Variants in EBF1 observed in about 807,000 individuals in gnomAD.
EBF1 encodes the protein EBF transcription factor 1.
EBF1 carries 10 observed loss-of-function variants against 68.4 expected under a neutral mutation model. That is an observed-to-expected ratio of 0.15 (90% CI 0.09 to 0.25). The LOEUF is 0.25. Among genes scored for constraint, EBF1 ranks in the 10% least tolerant of loss-of-function variants. The pLI is 1.00. For missense variants in EBF1, 509 were observed against 794.4 expected, an observed-to-expected ratio of 0.64 and a Z score of 4.32; for synonymous variants, 298 against 299.8, an observed-to-expected ratio of 0.99 and a Z score of 0.06.
chr5:158,703,693 A>G (rs1757248824), intron 15 of EBF1, among the ~76,000 whole-genome samples: 1 of 151,884 alleles, frequency 6.6e-6, no homozygotes, highest in African/African-American at 2.4e-5. Flanking sequence ...TCATGATAGA[A>G]TCTGTGAATC....
At chr5:158,926,316 T>G (rs1809681966) in intron 6 of EBF1, among the ~76,000 whole-genome samples, 2 of 152,158 alleles carry the variant, frequency 1.3e-5, no homozygotes, top group South Asian at 4.1e-4. Flanking sequence ...ATGTCAAAAT[T>G]TAATATTAAC....
intron 4 of EBF1, among the ~76,000 whole-genome samples, chr5:159,086,558 C>T (rs535551384): frequency 1.3e-5 from 2 of 152,242 alleles, no homozygotes; most frequent in Admixed American, 6.5e-5. Flanking sequence ...GGTTTGCCTG[C>T]GTTTCCTCAG....
chr5:158,984,949 C>G (rs1055381738), intron 6 of EBF1, among the ~76,000 whole-genome samples: 1 of 152,146 alleles, frequency 6.6e-6, no homozygotes, highest in African/African-American at 2.4e-5. Flanking sequence ...TCCCAAAGTG[C>G]TGGGACTACA....
At chr5:158,713,758 C>T (rs2127493354) in intron 12 of EBF1, among the ~76,000 whole-genome samples, 1 of 152,216 alleles carries the variant, frequency 6.6e-6, no homozygotes, top group Non-Finnish European at 1.5e-5. Context: ...TCAGGCCTTG[C>T]TATACTTTTT....
Position 158,849,022 on chromosome 5 carries a change from C to G in EBF1, c.555-8912G>C, listed in dbSNP as rs58473027. Among the ~76,000 whole-genome samples the G allele has an allele frequency of 1.4e-3, 211 of 152,312 alleles. 1 individual carries two copies. Among genetic ancestry groups the G allele is most frequent in the African/African-American group, 4.9e-3 (202 of 41,568 alleles). ...GAGAGTCCAATATGTAGTGATGCTT[C>G]TCATTCAATACCAATTTTACTAAGA... On this transcript the variant is annotated intron_variant, in intron 6 of 15. Coordinates refer to ENST00000313708, the MANE Select transcript of EBF1 (RefSeq NM_024007.5).
At chr5:159,084,537 T>C in intron 5 of EBF1, 129 bp downstream of exon 5, 1 of 696,490 alleles carries the variant, frequency 1.4e-6, no homozygotes, top group Non-Finnish European at 2.1e-6. Context: ...ACAGTTCTTT[T>C]TAGATTGTCT....
At chr5:159,018,605 C>T (rs1451298446) in intron 6 of EBF1, among the ~76,000 whole-genome samples, 4 of 152,164 alleles carry the variant, frequency 2.6e-5, no homozygotes, top group South Asian at 2.1e-4. Context: ...CAGTGAGAAT[C>T]GACTGTGATG....
intron 10 of EBF1, among the ~76,000 whole-genome samples, chr5:158,775,755 CACACACACACACACACACATGCACACAG>C (rs1415031435): frequency 1.4e-5 from 2 of 138,120 alleles, no homozygotes; most frequent in African/African-American, 2.8e-5. Context: ...AACACACACA[CACACACACACACACACACATGCACACAG>C]ACACACACAC....
chr5:158,839,352 T>A lies in EBF1; in HGVS notation c.636+677A>T, dbSNP rs568621208. 9.9e-5 allele frequency among the ~76,000 whole-genome samples: 15 copies of A among 152,282 alleles called. No homozygotes were observed. In the East Asian group the frequency reaches 2.3e-3, roughly 24 times the overall value. ...TAAAGCAGAGCAGTTTTACCAGTTGTACTCTTTACTGTTTTTTGTTTGTTT... is the reference window on the plus strand; with the variant it reads ...TAAAGCAGAGCAGTTTTACCAGTTGAACTCTTTACTGTTTTTTGTTTGTTT... On this transcript the variant is annotated intron_variant, in intron 7 of 15. Transcript: ENST00000313708.
At chr5:158,838,579 C>T (rs538565133) in intron 7 of EBF1, among the ~76,000 whole-genome samples, 12 of 152,078 alleles carry the variant, frequency 7.9e-5, no homozygotes, top group East Asian at 1.9e-4. Context: ...TTTTTTCTAC[C>T]GCATTTGTTC....
intron 6 of EBF1, among the ~76,000 whole-genome samples, chr5:158,931,987 A>G (rs188563520): frequency 1.3e-5 from 2 of 152,284 alleles, no homozygotes; most frequent in Admixed American, 1.3e-4. Flanking sequence ...ATGCTCTTTA[A>G]TAAAATGGCA....
chr5:159,012,494 CT>C (rs1488840754), intron 6 of EBF1, among the ~76,000 whole-genome samples: 20 of 143,982 alleles, frequency 1.4e-4, no homozygotes, highest in African/African-American at 4.8e-4. Context: ...TTTTTTTTTT[CT>C]TTTTTTAGAC....
chr5:158,962,299 C>A (rs923218893), intron 6 of EBF1, among the ~76,000 whole-genome samples: 1 of 152,148 alleles, frequency 6.6e-6, no homozygotes, highest in South Asian at 2.1e-4. Context: ...AAACTCAGAG[C>A]TTCCAATTCA....
At chr5:158,788,704 G>A (rs1034928066) in intron 9 of EBF1, among the ~76,000 whole-genome samples, 5 of 152,264 alleles carry the variant, frequency 3.3e-5, no homozygotes, top group African/African-American at 1.2e-4. Flanking sequence ...GCAGCCAGGT[G>A]TGAATTCTGT....
intron 6 of EBF1, among the ~76,000 whole-genome samples, chr5:158,895,060 T>TTTACC (rs1801901798): frequency 6.6e-6 from 1 of 152,182 alleles, no homozygotes; most frequent in Non-Finnish European, 1.5e-5. Flanking sequence ...TTTCAGTCTA[T>TTTACC]AAGAATCTTG....
chr5:158,808,072 T>C (rs76917141), intron 8 of EBF1, among the ~76,000 whole-genome samples: 3,622 of 152,240 alleles, frequency 0.024, 161 homozygotes, highest in African/African-American at 0.083. Flanking sequence ...CTGACACATT[T>C]AGTGACACTG....
intron 6 of EBF1, among the ~76,000 whole-genome samples, chr5:158,879,275 A>G (rs1398052762): frequency 2.0e-5 from 3 of 152,220 alleles, no homozygotes; most frequent in East Asian, 1.9e-4. Context: ...TATGTCTTCA[A>G]TGTGGCAACA....
chr5:158,883,350 A>ATATATATATACACATACATACATGCATG (rs1436028519), intron 6 of EBF1, among the ~76,000 whole-genome samples: 3 of 25,860 alleles, frequency 1.2e-4, no homozygotes, highest in Non-Finnish European at 2.5e-4. Context: ...ACATGCATGT[A>ATATATATATACACATACATACATGCATG]TATATATATA....
At chr5:159,050,554 C>T (rs1171513111) in intron 6 of EBF1, among the ~76,000 whole-genome samples, 1 of 152,202 alleles carries the variant, frequency 6.6e-6, no homozygotes, top group East Asian at 1.9e-4. Flanking sequence ...TCCAGCTCCC[C>T]TGGGCCCCTG....
Sources: gnomAD v4.1 joint callset for allele counts (sites outside exome capture counted in the v4.1 genomes callset) on GRCh38, gnomAD v4.1.1 for gene constraint, MANE v1.5 for transcripts, NCBI Gene and HGNC (gene_info 2026-07-23, HGNC 2026-07-21) for gene names.